PFKL: variants seen among roughly 807,000 people sequenced by gnomAD.
PFKL encodes phosphofructokinase, liver type, also known as ATP-dependent 6-phosphofructokinase, liver type.
In PFKL, 74 loss-of-function variants were observed where a neutral mutation model predicts 92.1. The observed-to-expected ratio is 0.80, with a 90% confidence interval of 0.67 to 0.97. The LOEUF is 0.97. Ranked by LOEUF, PFKL falls within the 50% of genes least tolerant of loss-of-function variation. The pLI, the probability that PFKL is intolerant of heterozygous loss-of-function variation, is 0.00. For missense variants in PFKL, 1,028 were observed against 1,116.6 expected (o/e 0.92, Z 1.13); for synonymous variants, 494 against 456.4 (o/e 1.08, Z -1.05).
intron 7 of PFKL, 194 bp downstream of exon 7, chr21:44,314,215 C>T (rs1370869068): frequency 1.7e-6 from 1 of 585,246 alleles, no homozygotes; most frequent in Non-Finnish European, 3.0e-6. Context: ...ACCTGTGGTC[C>T]TGCCCCCAGT....
chr21:44,301,902 A>G (rs1240016934), intron 1 of PFKL, among the ~76,000 whole-genome samples: 1 of 151,990 alleles, frequency 6.6e-6, no homozygotes, highest in Non-Finnish European at 1.5e-5. Context: ...CACAGACTAA[A>G]CAGAGAAGGG....
intron 7 of PFKL, chr21:44,314,459 G>A (rs754273308): frequency 2.2e-5 from 4 of 178,284 alleles, no homozygotes; most frequent in Non-Finnish European, 4.7e-5. Flanking sequence ...GAGGGCGGTC[G>A]GGGCCCGGGG....
At chr21:44,310,980 C>G (rs1297343091) in intron 2 of PFKL, 26 bp from the exon 3 acceptor site, 5 of 1,598,088 alleles carry the variant, frequency 3.1e-6, no homozygotes, top group Non-Finnish European at 4.3e-6. Context: ...TCCCCTATCT[C>G]ATGCCTGCCC....
intron 7 of PFKL, chr21:44,315,920 T>C (rs1157738652): frequency 5.1e-6 from 2 of 389,904 alleles, no homozygotes; most frequent in Admixed American, 7.9e-5. Flanking sequence ...CCTGGAAGGC[T>C]TCACCAGACA....
rs757346873 is a variant in PFKL, at chr21:44,323,874, G to A, written c.1606G>A (p.Asp536Asn). 3.7e-6 allele frequency: 6 copies of A among 1,613,542 alleles called. No individual in the cohort carries two copies. The Admixed American group carries it at 5.0e-5, about 13-fold the overall frequency. The part of the protein sequence containing the change: ...ATISNNVPGT[D>N]FSLGSDTAVN... ...CATCAGCAACAACGTCCCTGGCACC[G>A]ACTTCAGCCTGGGCTCCGACACTGC... Residue 536 changes from aspartate (D) to asparagine (N), a missense_variant, in exon 16 of 22, where the codon GAC (aspartate) becomes AAC (asparagine). Physicochemically the swap from Asp to Asn is conservative, Grantham distance 23. Transcript: ENST00000349048.
intron 6 of PFKL, 67 bp from the exon 7 acceptor site, chr21:44,313,846 G>T: frequency 7.2e-7 from 1 of 1,397,188 alleles, no homozygotes; most frequent in Non-Finnish European, 9.8e-7. Flanking sequence ...TCGGACCTCT[G>T]GGTACAGGGA....
chr21:44,305,813 C>T (rs1278540967), intron 1 of PFKL: 2 of 1,366,752 alleles, frequency 1.5e-6, no homozygotes, highest in Admixed American at 1.9e-5. Flanking sequence ...ACTGGCTTTG[C>T]CAAGGCCCCC....
chr21:44,310,968 G>T (rs1285054499), intron 2 of PFKL, 38 bp from the exon 3 acceptor site: 3 of 1,533,444 alleles, frequency 2.0e-6, no homozygotes, highest in Non-Finnish European at 9.0e-7. Flanking sequence ...GCCGCCATGG[G>T]GTCCCCTATC....
chr21:44,302,334 T>C (rs527379706), intron 1 of PFKL, among the ~76,000 whole-genome samples: 4 of 152,340 alleles, frequency 2.6e-5, no homozygotes, highest in Non-Finnish European at 5.9e-5. Context: ...CTCCACACAC[T>C]TCCCCAGTTC....
Position 44,321,821 on chromosome 21 carries a change from T to G in PFKL, c.1284T>G (p.His428Gln). 3 of 1,601,762 alleles carry G rather than the reference T, an allele frequency of 1.9e-6. No homozygotes were observed. The highest frequency in any genetic ancestry group is 1.7e-6 in the Non-Finnish European group (2 of 1,173,882). The change falls in exon 13 of 22, where the codon CAT becomes CAG. Residue 428 changes from histidine to glutamine, a missense_variant. Physicochemically the swap from His to Gln is conservative, Grantham distance 24. Transcript: ENST00000349048. ...CGGCGGTGCGGACCGGCATCTCCCATGGACACACAGTATACGTGGTGCACG... is the reference window on the plus strand; with the variant it reads ...CGGCGGTGCGGACCGGCATCTCCCAGGGACACACAGTATACGTGGTGCACG... ...VRSAVRTGIS[H>Q]GHTVYVVHDG...
intron 1 of PFKL, chr21:44,305,246 G>T (rs772994541): frequency 9.2e-6 from 12 of 1,311,158 alleles, no homozygotes; most frequent in Non-Finnish European, 1.2e-5. Context: ...CGATCCCTGG[G>T]GTTTCTCAAG....
At chr21:44,322,538 C>G (rs897441586) in intron 14 of PFKL, among the ~76,000 whole-genome samples, 1 of 152,218 alleles carries the variant, frequency 6.6e-6, no homozygotes, top group South Asian at 2.1e-4. Flanking sequence ...TGGCTTTTGT[C>G]CCAGGGCCTG....
intron 1 of PFKL, chr21:44,305,728 G>T: frequency 7.7e-7 from 1 of 1,305,978 alleles, no homozygotes. Context: ...GGGGCTCTCG[G>T]GAAGAAGGTG....
rs1388677372 is a variant in PFKL at position 44,325,956 on chromosome 21, T to G, written c.1990-5T>G. On this transcript the variant is annotated splice_polypyrimidine_tract_variant and splice_region_variant and intron_variant, in intron 19 of 21. Coordinates refer to ENST00000349048, the MANE Select transcript of PFKL (RefSeq NM_002626.6). The stretch of plus-strand genomic sequence containing the variant: ...TCCAGGGAACCGGGCCTCACCTGTT[T>G]CCAGGGTGGCGCTCCAACCCCCTTT... 3.1e-6 allele frequency: 5 copies of G among 1,611,272 alleles called. No individual in the cohort carries two copies. The highest frequency in any genetic ancestry group is 1.7e-6 in the Non-Finnish European group (2 of 1,178,524).
intron 5 of PFKL, 70 bp from the exon 6 acceptor site, chr21:44,313,568 C>G: frequency 6.7e-7 from 1 of 1,488,282 alleles, no homozygotes; most frequent in Non-Finnish European, 9.2e-7. Flanking sequence ...CCCTTGAGCA[C>G]CCCGCAGGGA....
At chr21:44,303,939 G>T (rs539171288) in intron 1 of PFKL, among the ~76,000 whole-genome samples, 2 of 152,248 alleles carry the variant, frequency 1.3e-5, no homozygotes, top group South Asian at 4.2e-4. Flanking sequence ...AAGAAAAGCC[G>T]ATTAAAGGGC....
intron 1 of PFKL, among the ~76,000 whole-genome samples, chr21:44,302,774 C>T (rs1286529758): frequency 1.3e-5 from 2 of 152,182 alleles, no homozygotes; most frequent in African/African-American, 4.8e-5. Context: ...GGGTTGGGGA[C>T]AAGACAGGCC....
At position 44,326,783 on chromosome 21, in the gene PFKL, G is replaced by C. The variant is rs774545030; in HGVS notation, c.2264G>C (p.Arg755Pro). Residue 755 changes from arginine to proline, a missense_variant, in exon 22 of 22, where the codon CGC becomes CCC. By Grantham distance (103) the Arg-to-Pro change is moderately radical (BLOSUM62 -2). Coordinates refer to ENST00000349048, the MANE Select transcript of PFKL (RefSeq NM_002626.6). Reference protein sequence around the residue: ...RLMLKMLAQYRISMAAYVSGE... With the variant: ...RLMLKMLAQYPISMAAYVSGE... ...ATGCTGAAGATGCTGGCACAATACC[G>C]CATCAGTATGGCCGCCTACGTGTCA... 1.2e-6 allele frequency: 2 copies of C among 1,610,220 alleles called. No homozygotes were observed. The highest frequency in any genetic ancestry group is 2.2e-5 in the South Asian group (2 of 90,408).
chr21:44,319,476 TGTGCTGCAGTGGCGCTATGCA>T lies in PFKL; in HGVS notation c.1127+62_1127+82del. The T allele has an allele frequency of 2.9e-6, 4 of 1,377,890 alleles. No homozygotes were observed. The South Asian group carries it at 4.6e-5, about 16-fold the overall frequency. 85.4% of individuals were successfully genotyped at this position (1,377,890 alleles called of 1,614,324 possible). A position where few individuals can be genotyped will look rare whatever the true frequency, so the allele number is the denominator to read the frequency against. ...GGCTGGGTCCCGGTGCCAGGCAGCA[TGTGCTGCAGTGGCGCTATGCA>T]CGCCTGGCCTGGGTCATCCTTCTAG... On this transcript the variant is annotated intron_variant, in intron 11 of 21. Coordinates refer to ENST00000349048, the MANE Select transcript of PFKL (RefSeq NM_002626.6).
Sources: gnomAD v4.1 joint callset for allele counts (sites outside exome capture counted in the v4.1 genomes callset) on GRCh38, gnomAD v4.1.1 for gene constraint, MANE v1.5 for transcripts, NCBI Gene and HGNC (gene_info 2026-07-23, HGNC 2026-07-21) for gene names.